Variants in NXF1 observed in about 807,000 individuals in gnomAD.
NXF1 encodes nuclear RNA export factor 1, also known as mRNA export factor TAP.
Under a neutral mutation model 92.4 loss-of-function variants are expected in NXF1, and 43 were observed. The observed-to-expected ratio is 0.47, with a 90% CI of 0.36 to 0.60. NXF1 has a LOEUF of 0.60. Ranked by LOEUF, NXF1 falls within the 20% of genes least tolerant of loss-of-function variation. The pLI, the probability that NXF1 is intolerant of heterozygous loss-of-function variation, is 0.00. For missense variants in NXF1, 576 were observed against 793.0 expected (o/e 0.73, Z 3.29); for synonymous variants, 288 against 292.2 (o/e 0.99, Z 0.15).
At chr11:62,797,480 G>T in intron 11 of NXF1, 94 bp from the exon 12 acceptor site, 2 of 1,092,006 alleles carry the variant, frequency 1.8e-6, no homozygotes, top group Non-Finnish European at 2.7e-6. Context: ...CAGGCAGATG[G>T]CTTGAGCTCA....
At chr11:62,799,186 A>C (rs568376098) in intron 10 of NXF1, 1 of 985,502 alleles carries the variant, frequency 1.0e-6, no homozygotes. Context: ...AGAAAAAGAG[A>C]AAGAACTACA....
At position 62,796,157 on chromosome 11, in the gene NXF1, T is replaced by C; in HGVS notation, c.1370A>G (p.His457Arg). ...GAAGGCAACAACGTTGAGACGCGTG[T>C]GCTTCAGCAGCCGGAACCGCAAGGC... ...DPTLRFRLLK[H>R]TRLNVVAFLN... The change falls in exon 16 of 21, where the codon CAC (histidine) becomes CGC (arginine). Residue 457 changes from histidine (H) to arginine (R), a missense_variant. Physicochemically the swap from His to Arg is conservative, Grantham distance 29. This residue lies in a region of NXF1 where 425 missense variants were observed against 635.2 expected (regional missense o/e 0.67). Transcript: ENST00000294172. 1 of 1,614,178 alleles carries C rather than the reference T, an allele frequency of 6.2e-7. No individual in the cohort carries two copies. Among genetic ancestry groups the C allele is most frequent in the East Asian group, 2.2e-5 (1 of 44,882 alleles).
rs2084402113 is a variant in NXF1, at chr11:62,794,598, T to C, written c.1578-158A>G. ...TATCCCCTCCCATGGAATCAATGTT[T>C]GGAAGGATTATCTACTAAACACACT... is the stretch of plus-strand genomic sequence containing the variant. On this transcript the variant is annotated intron_variant, in intron 18 of 20. Coordinates refer to ENST00000294172, the MANE Select transcript of NXF1 (RefSeq NM_006362.5). 4 of 684,826 alleles carry C rather than the reference T, an allele frequency of 5.8e-6. No homozygotes were observed. In the East Asian group the frequency reaches 1.1e-4, roughly 19 times the overall value. 42.4% of individuals were successfully genotyped at this position (684,826 alleles called of 1,614,324 possible).
rs2084445545 is a variant in NXF1 at position 62,798,561 on chromosome 11, C to T, written c.1031G>A (p.Arg344Gln). The T allele has an allele frequency of 6.2e-7, 1 of 1,614,052 alleles. No individual in the cohort carries two copies. The highest frequency in any genetic ancestry group is 8.5e-7 in the Non-Finnish European group (1 of 1,179,972). ...QSTYISAIRE[R>Q]FPKLLRLDGH... ...TACCAGGCGTAGTAACTTGGGAAAT[C>T]GTTCGCGAATGGCGCTGTCAAGAAC... is the stretch of plus-strand genomic sequence containing the variant. The change falls in exon 11 of 21, where the codon CGA becomes CAA. Residue 344 changes from arginine (R) to glutamine (Q), a missense_variant. Arg to Gln is a conservative substitution (Grantham distance 43). Coordinates refer to ENST00000294172, the MANE Select transcript of NXF1 (RefSeq NM_006362.5).
rs1240787656 is a variant in NXF1, at chr11:62,802,277, G to A, written c.370-17C>T. 1.2e-6 allele frequency: 2 copies of A among 1,605,414 alleles called. No individual in the cohort carries two copies. Among genetic ancestry groups the A allele is most frequent in the South Asian group, 2.2e-5 (2 of 90,806 alleles). ...ATAAGGAATCTAGAAATGAGAGAAA[G>A]AGAAAAGAAGGGAATGATAAGTAAG... On this transcript the variant is annotated splice_polypyrimidine_tract_variant and intron_variant, in intron 3 of 20. Transcript: ENST00000294172.
rs1436542425 is a variant in NXF1 at position 62,801,951 on chromosome 11, C to T, written c.549G>A (p.Glu183=). 6.2e-7 allele frequency: 1 copy of T among 1,614,214 alleles called. No individual in the cohort carries two copies. The highest frequency in any genetic ancestry group is 8.5e-7 in the Non-Finnish European group (1 of 1,180,008). Residue 183 remains glutamate (E), a synonymous_variant, in exon 5 of 21, where the codon GAG becomes GAA. Transcript: ENST00000294172. ...GGCCCTTTAAACACACCCTTCGGTTCTCCCGATCCAAAATCTTATAGTTGA... is the reference window on the plus strand; with the variant it reads ...GGCCCTTTAAACACACCCTTCGGTTTTCCCGATCCAAAATCTTATAGTTGA... The part of the protein sequence containing the change: ...KAVNYKILDR[E]NRRISIIINS...
At chr11:62,796,884 T>C (rs764915618) in intron 13 of NXF1, 19 of 520,056 alleles carry the variant, frequency 3.7e-5, no homozygotes, top group African/African-American at 1.2e-4. Context: ...CTGGCCAACA[T>C]AGTGAAATCC....
chr11:62,798,386 A>T (rs2084442708), intron 11 of NXF1, among the ~76,000 whole-genome samples, 153 bp downstream of exon 11: 1 of 151,936 alleles, frequency 6.6e-6, no homozygotes, highest in Admixed American at 6.6e-5. Context: ...GTGAGCTGAA[A>T]TCATGCTGTT....
Position 62,792,712 on chromosome 11 carries a change from A to C in NXF1, c.1761-11T>G. The C allele has an allele frequency of 1.2e-6, 2 of 1,614,124 alleles. No homozygotes were observed. Among genetic ancestry groups the C allele is most frequent in the Middle Eastern group, 1.7e-4 (1 of 6,060 alleles). On this transcript the variant is annotated splice_polypyrimidine_tract_variant and intron_variant, in intron 19 of 20. Coordinates refer to ENST00000294172, the MANE Select transcript of NXF1 (RefSeq NM_006362.5). ...TTGTCCTGAAGGCACCTGGAGTGGA[A>C]GAACAGGCAGCTCTGTAAGAACTCT...
chr11:62,804,485 G>A (rs936154736), intron 1 of NXF1, among the ~76,000 whole-genome samples: 5 of 152,186 alleles, frequency 3.3e-5, no homozygotes, highest in African/African-American at 4.8e-5. Context: ...TCTAGTGGCA[G>A]TGCCAGGCTA....
intron 1 of NXF1, 56 bp downstream of exon 1, chr11:62,805,246 ACGCCCCGGGGGCTGAGGCCTAGGCCGG>A: frequency 5.8e-6 from 8 of 1,387,240 alleles, no homozygotes; most frequent in East Asian, 2.8e-5. Context: ...TAGCGGCCTC[ACGCCCCGGGGGCTGAGGCCTAGGCCGG>A]CGCCGCCCAC....
intron 17 of NXF1, 80 bp from the exon 18 acceptor site, chr11:62,795,087 A>C: frequency 1.5e-6 from 2 of 1,319,288 alleles, no homozygotes; most frequent in East Asian, 4.6e-5. Context: ...ATGGTCTTTG[A>C]TATAAAGAAT....
intron 10 of NXF1, chr11:62,799,477 C>A: frequency 1.0e-6 from 1 of 985,848 alleles, no homozygotes; most frequent in Non-Finnish European, 1.2e-6. Flanking sequence ...GGGTCCATGC[C>A]CCACCTCTGT....
intron 11 of NXF1, among the ~76,000 whole-genome samples, chr11:62,797,694 A>G (rs1364230087): frequency 6.6e-6 from 1 of 152,226 alleles, no homozygotes; most frequent in Non-Finnish European, 1.5e-5. Context: ...TGACAGAGCC[A>G]GACCCTGTCT....
chr11:62,801,298 C>T (rs528898953), intron 8 of NXF1, 31 bp downstream of exon 8: 42 of 1,611,414 alleles, frequency 2.6e-5, no homozygotes, highest in Middle Eastern at 3.3e-4. Context: ...ACCCTGCTTC[C>T]TCATGCCTAA....
chr11:62,801,867 C>G (rs768783975), intron 5 of NXF1, 48 bp from the exon 6 acceptor site: 10 of 1,604,298 alleles, frequency 6.2e-6, no homozygotes, highest in Non-Finnish European at 5.1e-6. Context: ...GAAGCCTAAG[C>G]CGCAAGAACA....
intron 9 of NXF1, 116 bp downstream of exon 9, chr11:62,800,978 T>A: frequency 1.3e-6 from 1 of 776,646 alleles, no homozygotes; most frequent in South Asian, 1.7e-5. Flanking sequence ...AGGATTAGAG[T>A]TGCAAACCAG....
Position 62,792,709 on chromosome 11 carries a change from G to A in NXF1, c.1761-8C>T. 1 of 1,614,058 alleles carries A rather than the reference G, an allele frequency of 6.2e-7. No homozygotes were observed. The highest frequency in any genetic ancestry group is 2.2e-5 in the East Asian group (1 of 44,886). Reference sequence around the variant, plus strand: ...TTGTTGTCCTGAAGGCACCTGGAGTGGAAGAACAGGCAGCTCTGTAAGAAC... The same window carrying A: ...TTGTTGTCCTGAAGGCACCTGGAGTAGAAGAACAGGCAGCTCTGTAAGAAC... On this transcript the variant is annotated splice_polypyrimidine_tract_variant and splice_region_variant and intron_variant, in intron 19 of 20. Transcript: ENST00000294172.
intron 11 of NXF1, among the ~76,000 whole-genome samples, chr11:62,798,298 C>G (rs2084441921): frequency 6.6e-6 from 1 of 151,556 alleles, no homozygotes; most frequent in Non-Finnish European, 1.5e-5. Context: ...TGTGGTAGCA[C>G]ATGCCTGTAA....
Sources: gnomAD v4.1 joint callset for allele counts (sites outside exome capture counted in the v4.1 genomes callset) on GRCh38, gnomAD v4.1.1 for gene constraint, gnomAD v4.1.1 regional missense constraint, MANE v1.5 for transcripts, NCBI Gene and HGNC (gene_info 2026-07-23, HGNC 2026-07-21) for gene names.